The following DCDC2C variants were observed in gnomAD, a reference collection of about 807,000 sequenced individuals.
The protein encoded by DCDC2C is doublecortin domain containing 2C, also known as doublecortin domain-containing protein 2C.
In DCDC2C, 44 loss-of-function variants were observed where a neutral mutation model predicts 45.0. That is an observed-to-expected ratio of 0.98 (90% CI 0.77 to 1.26). The LOEUF is 1.26. Ranked by LOEUF, DCDC2C falls within the 50% of genes most tolerant of loss-of-function variation. The pLI, the probability that DCDC2C is intolerant of heterozygous loss-of-function variation, is 0.00. For missense variants in DCDC2C, 447 were observed against 468.9 expected (o/e 0.95, Z 0.43); for synonymous variants, 187 against 178.8 (o/e 1.05, Z -0.37).
At chr2:3,714,396 C>CT (rs1446169667) in intron 2 of DCDC2C, among the ~76,000 whole-genome samples, 9 of 152,078 alleles carry the variant, frequency 5.9e-5, no homozygotes, top group Admixed American at 5.2e-4. Context: ...GGAAGGACTT[C>CT]TATTATAGTA....
chr2:3,734,704 A>G lies in DCDC2C; in HGVS notation c.417-7216A>G, dbSNP rs1054992239. Among the ~76,000 whole-genome samples, 1 of 152,210 alleles carries G rather than the reference A, an allele frequency of 6.6e-6. No homozygotes were observed. Among genetic ancestry groups the G allele is most frequent in the African/African-American group, 2.4e-5 (1 of 41,456 alleles). On this transcript the variant is annotated intron_variant, in intron 3 of 10. Transcript: ENST00000399143. The surrounding 1 kb of genome is among the most constrained non-coding windows in gnomAD (Gnocchi z 4.2). ...GTGGTTGCAGCCCTGGCTCACAGGC[A>G]GGAGACATGCCTCAAGTCCTGAGCT...
intron 10 of DCDC2C, among the ~76,000 whole-genome samples, chr2:3,816,129 A>G (rs1374821949): frequency 1.3e-5 from 2 of 152,078 alleles, no homozygotes; most frequent in Non-Finnish European, 2.9e-5. Context: ...AAGGGGCGAT[A>G]TTGTGGGGTT....
chr2:3,769,359 C>A lies in DCDC2C; in HGVS notation c.902C>A (p.Ala301Glu), dbSNP rs980098189. The change falls in exon 8 of 11, where the codon GCG (alanine) becomes GAG (glutamate). Residue 301 changes from alanine to glutamate, a missense_variant. Coordinates refer to ENST00000399143, the MANE Select transcript of DCDC2C (RefSeq NM_001287444.2). Reference sequence around the variant, plus strand: ...ACTCCTAGCAAGGAAACCCAAGGGGCGCTGGACGTCAAAGAGGAGCACAAT... The same window carrying A: ...ACTCCTAGCAAGGAAACCCAAGGGGAGCTGGACGTCAAAGAGGAGCACAAT... ...APTPSKETQGALDVKEEHNVQ... is the reference protein window; with the variant it reads ...APTPSKETQGELDVKEEHNVQ... 11 of 1,550,468 alleles carry A rather than the reference C, an allele frequency of 7.1e-6. No individual in the cohort carries two copies. The African/African-American group carries it at 1.4e-4, about 19-fold the overall frequency.
intron 2 of DCDC2C, chr2:3,725,952 A>C (rs1355437377): frequency 1.2e-5 from 2 of 160,548 alleles, no homozygotes; most frequent in Non-Finnish European, 2.7e-5. Context: ...GTTGTCGGGA[A>C]GACGATGGTG....
At chr2:3,817,992 C>T (rs564169274) in intron 10 of DCDC2C, among the ~76,000 whole-genome samples, 1 of 152,098 alleles carries the variant, frequency 6.6e-6, no homozygotes, top group African/African-American at 2.4e-5. Flanking sequence ...ACACAATCAG[C>T]AGGGAGAGCA....
intron 9 of DCDC2C, 124 bp downstream of exon 9, chr2:3,779,008 C>T (rs1471671205): frequency 1.8e-5 from 16 of 896,734 alleles, no homozygotes; most frequent in East Asian, 5.3e-5. Flanking sequence ...CAAGCCAGCG[C>T]GGAATCGGAA....
intron 2 of DCDC2C, among the ~76,000 whole-genome samples, chr2:3,716,194 G>T (rs577593858): frequency 3.3e-5 from 5 of 152,142 alleles, no homozygotes; most frequent in African/African-American, 1.2e-4. Flanking sequence ...ATGAATTCAC[G>T]CTGGGAGTCA....
At chr2:3,728,778 G>T (rs1572565396) in intron 3 of DCDC2C, among the ~76,000 whole-genome samples, 1 of 152,358 alleles carries the variant, frequency 6.6e-6, no homozygotes, top group East Asian at 1.9e-4. Flanking sequence ...GAAAGGCGGG[G>T]TGTGACCCTT....
Position 3,778,879 on chromosome 2 carries a change from A to C in DCDC2C, c.1018A>C (p.Asn340His), listed in dbSNP as rs1485556328. The change falls in exon 9 of 11, where the codon AAC becomes CAC. Residue 340 changes from asparagine to histidine, a missense_variant. Coordinates refer to ENST00000399143, the MANE Select transcript of DCDC2C (RefSeq NM_001287444.2). ...IHENTPDFEGNKDKEDARLCE... is the reference protein window; with the variant it reads ...IHENTPDFEGHKDKEDARLCE... ...TGAGAACACCCCTGATTTTGAGGGC[A>C]ACAAGGTGAGTTCATTTTATTTTGT... The C allele has an allele frequency of 3.9e-6, 6 of 1,550,986 alleles. No individual in the cohort carries two copies. The highest frequency in any genetic ancestry group is 4.9e-5 in the East Asian group (2 of 40,924).
intron 3 of DCDC2C, among the ~76,000 whole-genome samples, 151 bp downstream of exon 3, chr2:3,727,230 T>G (rs1231506600): frequency 6.7e-6 from 1 of 149,192 alleles, no homozygotes; most frequent in Non-Finnish European, 1.5e-5. Context: ...TCCTGACAGG[T>G]GATTTCTTTT....
chr2:3,731,310 C>G (rs73910348), intron 3 of DCDC2C, among the ~76,000 whole-genome samples: 2,472 of 152,340 alleles, frequency 0.016, 69 homozygotes, highest in African/African-American at 0.056. Context: ...GCTGGGGCAG[C>G]ACTCACGTTT....
intron 9 of DCDC2C, among the ~76,000 whole-genome samples, chr2:3,783,002 C>T (rs940231798): frequency 7.9e-5 from 12 of 152,152 alleles, no homozygotes; most frequent in Non-Finnish European, 1.3e-4. Context: ...AAGGATGACA[C>T]GAGCTTCCTA....
intron 10 of DCDC2C, among the ~76,000 whole-genome samples, chr2:3,826,310 T>C (rs564116373): frequency 2.2e-4 from 33 of 152,332 alleles, no homozygotes; most frequent in Middle Eastern, 6.8e-3. Flanking sequence ...CTTTATTTGT[T>C]ACCATAATTC....
Position 3,767,821 on chromosome 2 carries a change from A to G in DCDC2C, c.794A>G (p.Tyr265Cys). Residue 265 changes from tyrosine (Y) to cysteine (C), a missense_variant, in exon 7 of 11, where the codon TAT becomes TGT. By Grantham distance (194) the Tyr-to-Cys change is radical. Coordinates refer to ENST00000399143, the MANE Select transcript of DCDC2C (RefSeq NM_001287444.2). ...GIPPKTQDSVYYAKEEKKKTL... is the reference protein window; with the variant it reads ...GIPPKTQDSVCYAKEEKKKTL... ...CCCCCTAAAACACAGGATTCTGTTT[A>G]TTATGCCAAAGAAGAAAAGAAGAAA... 2.6e-6 allele frequency: 4 copies of G among 1,545,424 alleles called. No individual in the cohort carries two copies. Among genetic ancestry groups the G allele is most frequent in the Non-Finnish European group, 3.5e-6 (4 of 1,145,706 alleles).
At chr2:3,814,814 C>T (rs748015999) in intron 10 of DCDC2C, among the ~76,000 whole-genome samples, 34 of 152,266 alleles carry the variant, frequency 2.2e-4, no homozygotes, top group Non-Finnish European at 4.6e-4. Flanking sequence ...TAAAGAGGCA[C>T]TCCGGCCACA....
At chr2:3,769,480 T>C (rs1449929528) in intron 8 of DCDC2C, 69 bp downstream of exon 8, 1 of 1,388,682 alleles carries the variant, frequency 7.2e-7, no homozygotes, top group East Asian at 2.5e-5. Context: ...CGCCTCAGCG[T>C]CATCCTTCAC....
intron 10 of DCDC2C, among the ~76,000 whole-genome samples, chr2:3,827,089 C>CG (rs999942973): frequency 4.6e-5 from 7 of 152,268 alleles, no homozygotes; most frequent in Admixed American, 4.6e-4. Flanking sequence ...TGCTAGCTCA[C>CG]GGGGAGGCAG....
intron 10 of DCDC2C, among the ~76,000 whole-genome samples, chr2:3,837,252 A>G (rs1672105379): frequency 6.6e-6 from 1 of 152,244 alleles, no homozygotes; most frequent in African/African-American, 2.4e-5. Flanking sequence ...TAGAGCAATC[A>G]GAGAACTCAA....
At chr2:3,753,847 G>A (rs1237101675) in intron 5 of DCDC2C, among the ~76,000 whole-genome samples, 1 of 152,164 alleles carries the variant, frequency 6.6e-6, no homozygotes, top group Non-Finnish European at 1.5e-5. Flanking sequence ...TGCCAAGGAC[G>A]ACCCCACAGC....
Sources: allele counts gnomAD v4.1 joint callset (sites outside exome capture counted in the v4.1 genomes callset), GRCh38; gene constraint gnomAD v4.1.1; non-coding constraint Gnocchi (gnomAD v3.1); transcripts MANE v1.5; gene names NCBI Gene and HGNC (gene_info 2026-07-23, HGNC 2026-07-21).